ARMC3: variants seen among roughly 807,000 people sequenced by gnomAD.
ARMC3 encodes armadillo repeat containing 3.
Under a neutral mutation model 90.3 loss-of-function variants are expected in ARMC3, and 74 were observed. The observed-to-expected ratio is 0.82, with a 90% CI of 0.68 to 0.99. The LOEUF (loss-of-function observed/expected upper bound fraction) is 0.99. Ranked by LOEUF, ARMC3 falls within the 50% of genes least tolerant of loss-of-function variation. ARMC3 has a pLI of 0.00. For synonymous variants in ARMC3, 334 were observed against 361.8 expected (o/e 0.92, Z 0.87); for missense variants, 958 against 1,042.8 (o/e 0.92, Z 1.12).
chr10:22,931,925 C>T (rs2131117713), intron 1 of ARMC3, 71 bp from the exon 2 acceptor site: 8 of 1,368,482 alleles, frequency 5.8e-6, no homozygotes, highest in South Asian at 1.3e-5. Flanking sequence ...TAAACCTCCT[C>T]TCAAGGGCAC....
intron 8 of ARMC3, among the ~76,000 whole-genome samples, chr10:22,969,178 A>G (rs1393069580): frequency 2.6e-5 from 4 of 152,240 alleles, no homozygotes; most frequent in African/African-American, 7.2e-5. Context: ...CATGTTACAT[A>G]GCTGTGAAAA....
Position 22,959,304 on chromosome 10 carries a change from C to G in ARMC3, c.362-95C>G, listed in dbSNP as rs191406251. On this transcript the variant is annotated intron_variant, in intron 5 of 18. Coordinates refer to ENST00000298032, the MANE Select transcript of ARMC3 (RefSeq NM_173081.5). ...AAAGAGGTGAGCTTTAAGCAAGATA[C>G]AATTTGTGGAGCTTTGGTTTCCAAA... The G allele has an allele frequency of 2.8e-5, 39 of 1,381,392 alleles. 1 individual carries two copies. The African/African-American group carries it at 4.1e-4, about 14-fold the overall frequency. 85.6% of individuals were successfully genotyped at this position (1,381,392 alleles called of 1,614,324 possible).
At chr10:23,009,989 G>T (rs17538592) in intron 16 of ARMC3, among the ~76,000 whole-genome samples, 9,431 of 152,156 alleles carry the variant, frequency 0.062, 414 homozygotes, top group Middle Eastern at 0.13. Flanking sequence ...GTACGCAGTG[G>T]TTTGCCCTCA....
In ARMC3 at chr10:22,946,216, A is replaced by G; in HGVS notation, c.121A>G (p.Ile41Val). 1 of 1,612,962 alleles carries G rather than the reference A, an allele frequency of 6.2e-7. No homozygotes were observed. Among genetic ancestry groups the G allele is most frequent in the Non-Finnish European group, 8.5e-7 (1 of 1,179,570 alleles). Reference sequence around the variant, plus strand: ...AATGCTTAATTCTCCAGAAGAGGAAATTTTGGCTAAAGCATGTGAAGCCAT... The same window carrying G: ...AATGCTTAATTCTCCAGAAGAGGAAGTTTTGGCTAAAGCATGTGAAGCCAT... ...VLMLNSPEEEILAKACEAIYK... is the reference protein window; with the variant it reads ...VLMLNSPEEEVLAKACEAIYK... The change falls in exon 3 of 19, where the codon ATT becomes GTT. Residue 41 changes from isoleucine (I) to valine (V), a missense_variant. Physicochemically the swap from Ile to Val is conservative, Grantham distance 29. Coordinates refer to ENST00000298032, the MANE Select transcript of ARMC3 (RefSeq NM_173081.5).
At position 23,014,481 on chromosome 10, in the gene ARMC3, G is replaced by A. The variant is rs112453862; in HGVS notation, c.2045+5550G>A. 2.1e-4 allele frequency: 219 copies of A among 1,030,624 alleles called. No homozygotes were observed. In the African/African-American group the frequency reaches 3.1e-3, roughly 15 times the overall value. The allele number at this position is 1,030,624 out of a possible 1,614,324, so 63.8% of individuals were successfully genotyped here. A position where few individuals can be genotyped will look rare whatever the true frequency, so the allele number is the denominator to read the frequency against. ...AGAATAAAATATTTTAACTGCATTC[G>A]TCTGAAAAGCCATTGGGAATATTTT... On this transcript the variant is annotated intron_variant, in intron 16 of 18. Transcript: ENST00000298032.
At chr10:23,027,441 T>G (rs923643441) in intron 16 of ARMC3, among the ~76,000 whole-genome samples, 1 of 152,218 alleles carries the variant, frequency 6.6e-6, no homozygotes, top group Non-Finnish European at 1.5e-5. Context: ...ACATGTTCCT[T>G]GTTACTTACT....
intron 10 of ARMC3, among the ~76,000 whole-genome samples, chr10:22,993,445 G>GT (rs1836801582): frequency 6.6e-6 from 1 of 152,208 alleles, no homozygotes. Flanking sequence ...AAGAGCAGCT[G>GT]TAAGTGATAA....
chr10:22,963,416 A>C (rs1159479411), intron 7 of ARMC3, among the ~76,000 whole-genome samples: 1 of 152,164 alleles, frequency 6.6e-6, no homozygotes, highest in Admixed American at 6.6e-5. Context: ...TATATATTCT[A>C]GTGGGAAAAA....
intron 16 of ARMC3, among the ~76,000 whole-genome samples, chr10:23,018,878 T>A (rs573659466): frequency 2.1e-4 from 32 of 152,300 alleles, no homozygotes; most frequent in Admixed American, 1.8e-3. Flanking sequence ...ATAGGCTGCA[T>A]CCTGGCACAG....
chr10:23,010,222 C>T (rs1051453750), intron 16 of ARMC3, among the ~76,000 whole-genome samples: 1 of 144,096 alleles, frequency 6.9e-6, no homozygotes, highest in South Asian at 2.4e-4. Context: ...CTTTGTCCTT[C>T]CCTTCCCTCC....
chr10:22,988,160 A>G (rs1472080335), intron 10 of ARMC3, among the ~76,000 whole-genome samples: 1 of 152,262 alleles, frequency 6.6e-6, no homozygotes, highest in Non-Finnish European at 1.5e-5. Flanking sequence ...TCGCTAATAT[A>G]GAAATAAAGC....
intron 17 of ARMC3, 75 bp downstream of exon 17, chr10:23,030,871 T>C: frequency 6.8e-7 from 1 of 1,474,332 alleles, no homozygotes; most frequent in Non-Finnish European, 9.2e-7. Flanking sequence ...AGCCATGTTT[T>C]AGACAAATAC....
At position 23,009,264 on chromosome 10, in the gene ARMC3, T is replaced by C. The variant is rs11013235; in HGVS notation, c.2045+333T>C. On this transcript the variant is annotated intron_variant, in intron 16 of 18. Transcript: ENST00000298032. ...CCAACCCTGGGTAACCAACTTGGTGTGAGGGTTTCTGCCTCCCACTGCTGA... is the reference window on the plus strand; with the variant it reads ...CCAACCCTGGGTAACCAACTTGGTGCGAGGGTTTCTGCCTCCCACTGCTGA... 1.0e-3 allele frequency among the ~76,000 whole-genome samples: 156 copies of C among 152,320 alleles called. No individual in the cohort carries two copies. The East Asian group carries it at 0.029, about 28-fold the overall frequency.
intron 3 of ARMC3, among the ~76,000 whole-genome samples, chr10:22,953,457 C>G (rs138508407): frequency 6.6e-6 from 1 of 152,060 alleles, no homozygotes; most frequent in Non-Finnish European, 1.5e-5. Flanking sequence ...TGCAAAACAA[C>G]CTTTTTGGCA....
chr10:23,004,142 G>A (rs566167616), intron 13 of ARMC3, among the ~76,000 whole-genome samples: 1 of 149,836 alleles, frequency 6.7e-6, no homozygotes, highest in South Asian at 2.1e-4. Context: ...AAAAAAAAAA[G>A]TAGCATTTAA....
Position 22,951,987 on chromosome 10 carries a change from T to C in ARMC3, c.167-3820T>C, listed in dbSNP as rs111242447. On this transcript the variant is annotated intron_variant, in intron 3 of 18. Coordinates refer to ENST00000298032, the MANE Select transcript of ARMC3 (RefSeq NM_173081.5). Reference sequence around the variant, plus strand: ...CTACCAAAATACAGAAAATTAGGTGTGGTGGCATGCGTCTGTAGTCCCAGC... The same window carrying C: ...CTACCAAAATACAGAAAATTAGGTGCGGTGGCATGCGTCTGTAGTCCCAGC... Among the ~76,000 whole-genome samples, 135 of 151,992 alleles carry C rather than the reference T, an allele frequency of 8.9e-4. 1 individual carries two copies. Among genetic ancestry groups the C allele is most frequent in the African/African-American group, 3.2e-3 (134 of 41,460 alleles).
intron 16 of ARMC3, among the ~76,000 whole-genome samples, chr10:23,019,759 G>A (rs1838433234): frequency 6.6e-6 from 1 of 152,096 alleles, no homozygotes; most frequent in Non-Finnish European, 1.5e-5. Flanking sequence ...TGCCCAGGCT[G>A]GTCTGGAGCT....
Position 23,032,958 on chromosome 10 carries a change from T to C in ARMC3, c.2344T>C (p.Ser782Pro), listed in dbSNP as rs1464324692. The C allele has an allele frequency of 1.2e-6, 2 of 1,613,068 alleles. No homozygotes were observed. The highest frequency in any genetic ancestry group is 2.7e-5 in the African/African-American group (2 of 74,876). ...HISELKFQLK[S>P]NVIPIGHVKK... ...AAGTGAACTGAAATTTCAACTTAAA[T>C]CCAATGTTATACCGATTGGACATGT... The change falls in exon 18 of 19, where the codon TCC (serine) becomes CCC (proline). Residue 782 changes from serine to proline, a missense_variant. By Grantham distance (74) the Ser-to-Pro change is moderately conservative. Transcript: ENST00000298032.
At chr10:22,941,123 T>TAA (rs1255998047) in intron 2 of ARMC3, among the ~76,000 whole-genome samples, 1 of 152,130 alleles carries the variant, frequency 6.6e-6, no homozygotes, top group African/African-American at 2.4e-5. Flanking sequence ...TCATTACTAC[T>TAA]AAATTATAGG....
Sources: allele counts gnomAD v4.1 joint callset (sites outside exome capture counted in the v4.1 genomes callset), GRCh38; gene constraint gnomAD v4.1.1; transcripts MANE v1.5; gene names NCBI Gene and HGNC (gene_info 2026-07-23, HGNC 2026-07-21).